The following COMMD10 variants were observed in gnomAD, a reference collection of about 807,000 sequenced individuals.
COMMD10 encodes COMM domain containing 10.
COMMD10 carries 33 observed loss-of-function variants against 28.9 expected under a neutral mutation model. The observed-to-expected ratio is 1.14, with a 90% CI of 0.87 to 1.53. The LOEUF is 1.53. COMMD10 is among the 40% of genes most tolerant of loss of function. The pLI, the probability that COMMD10 is intolerant of heterozygous loss-of-function variation, is 0.00. For missense variants in COMMD10, 310 were observed against 233.4 expected (o/e 1.33, Z -2.14); for synonymous variants, 110 against 81.7 (o/e 1.35, Z -1.87).
intron 5 of COMMD10, among the ~76,000 whole-genome samples, chr5:116,284,358 A>G (rs548142685): frequency 1.0e-4 from 15 of 149,620 alleles, no homozygotes; most frequent in African/African-American, 3.3e-4. Flanking sequence ...GTGTGTGTGT[A>G]TATATATGTA....
chr5:116,223,973 GT>G (rs550588419), intron 5 of COMMD10, among the ~76,000 whole-genome samples: 40 of 152,254 alleles, frequency 2.6e-4, no homozygotes, highest in African/African-American at 9.6e-4. Flanking sequence ...TAATGCATGT[GT>G]TTGGAGCAGC....
intron 5 of COMMD10, among the ~76,000 whole-genome samples, chr5:116,238,741 G>A (rs1326495695): frequency 6.6e-6 from 1 of 152,262 alleles, no homozygotes; most frequent in African/African-American, 2.4e-5. Context: ...CTTATATGGG[G>A]TAAACACCCA....
intron 5 of COMMD10, among the ~76,000 whole-genome samples, chr5:116,135,875 A>G (rs928711219): frequency 6.6e-6 from 1 of 152,100 alleles, no homozygotes; most frequent in Non-Finnish European, 1.5e-5. Context: ...GTGTAGTGTA[A>G]CCTCAGGCAA....
chr5:116,169,862 A>G (rs935480553), intron 5 of COMMD10, among the ~76,000 whole-genome samples: 7 of 152,178 alleles, frequency 4.6e-5, no homozygotes, highest in Admixed American at 4.6e-4. Flanking sequence ...GCTATTTATG[A>G]CATACCCACA....
At chr5:116,138,165 A>T (rs1752085772) in intron 5 of COMMD10, among the ~76,000 whole-genome samples, 1 of 151,932 alleles carries the variant, frequency 6.6e-6, no homozygotes, top group African/African-American at 2.4e-5. Flanking sequence ...TATTAATCAT[A>T]TACATATAGA....
At chr5:116,199,683 A>G (rs1450023276) in intron 5 of COMMD10, among the ~76,000 whole-genome samples, 1 of 152,172 alleles carries the variant, frequency 6.6e-6, no homozygotes, top group Admixed American at 6.6e-5. Flanking sequence ...AAAGAACTTT[A>G]AAAAACATTT....
chr5:116,106,103 T>A (rs537962006), intron 4 of COMMD10, among the ~76,000 whole-genome samples: 29 of 148,048 alleles, frequency 2.0e-4, no homozygotes, highest in African/African-American at 7.0e-4. Context: ...GTTTTATTTT[T>A]TTTTTTGTGT....
At chr5:116,259,820 A>G (rs1444780292) in intron 5 of COMMD10, among the ~76,000 whole-genome samples, 2 of 151,652 alleles carry the variant, frequency 1.3e-5, no homozygotes, top group East Asian at 3.9e-4. Flanking sequence ...GACTCTCCAT[A>G]GTCAGAAATT....
At chr5:116,222,075 G>A (rs543232413) in intron 5 of COMMD10, among the ~76,000 whole-genome samples, 1 of 152,288 alleles carries the variant, frequency 6.6e-6, no homozygotes, top group African/African-American at 2.4e-5. Flanking sequence ...TAGAGATGTG[G>A]TCATAGGAGG....
At chr5:116,189,287 C>T (rs1418341162) in intron 5 of COMMD10, among the ~76,000 whole-genome samples, 1 of 152,048 alleles carries the variant, frequency 6.6e-6, no homozygotes, top group African/African-American at 2.4e-5. Flanking sequence ...TAGTGGTTTC[C>T]AACTCCCAGG....
chr5:116,130,287 A>G (rs1751822224), intron 4 of COMMD10, among the ~76,000 whole-genome samples: 1 of 151,932 alleles, frequency 6.6e-6, no homozygotes, highest in South Asian at 2.1e-4. Context: ...GGAGTTTAGA[A>G]TCTTAGGTGG....
At chr5:116,165,763 G>T (rs1236781026) in intron 5 of COMMD10, among the ~76,000 whole-genome samples, 1 of 151,850 alleles carries the variant, frequency 6.6e-6, no homozygotes, top group Non-Finnish European at 1.5e-5. Context: ...TTCTTATAAA[G>T]GCACTCATCC....
At chr5:116,157,164 T>A (rs1156976267) in intron 5 of COMMD10, among the ~76,000 whole-genome samples, 1 of 152,194 alleles carries the variant, frequency 6.6e-6, no homozygotes, top group African/African-American at 2.4e-5. Context: ...CCTAATAGAT[T>A]GCTCACTGTT....
intron 5 of COMMD10, among the ~76,000 whole-genome samples, chr5:116,225,099 T>C (rs1749357411): frequency 6.6e-6 from 1 of 152,122 alleles, no homozygotes. Context: ...ATTTGGTGAA[T>C]ATTTTATTTC....
chr5:116,242,291 A>T (rs578065945), intron 5 of COMMD10, among the ~76,000 whole-genome samples: 21 of 152,220 alleles, frequency 1.4e-4, no homozygotes, highest in Non-Finnish European at 2.4e-4. Context: ...TATTAGTATG[A>T]TGATATGGTA....
intron 5 of COMMD10, among the ~76,000 whole-genome samples, chr5:116,194,187 A>T (rs971327373): frequency 6.6e-6 from 1 of 152,160 alleles, no homozygotes; most frequent in Non-Finnish European, 1.5e-5. Flanking sequence ...AGGAAAGTTC[A>T]TAGCCCTAAA....
intron 5 of COMMD10, among the ~76,000 whole-genome samples, chr5:116,281,819 A>G (rs541417676): frequency 1.3e-5 from 2 of 151,924 alleles, no homozygotes; most frequent in Non-Finnish European, 2.9e-5. Flanking sequence ...AGCTGGTGAT[A>G]TTCAACATTT....
At chr5:116,095,322 A>G (rs1006597320) in intron 4 of COMMD10, among the ~76,000 whole-genome samples, 1 of 152,192 alleles carries the variant, frequency 6.6e-6, no homozygotes, top group African/African-American at 2.4e-5. Context: ...TTGATTAACA[A>G]ATAGGCTTTG....
chr5:116,256,048 A>G (rs530077738), intron 5 of COMMD10, among the ~76,000 whole-genome samples: 2 of 151,814 alleles, frequency 1.3e-5, no homozygotes, highest in East Asian at 3.9e-4. Context: ...TAGCGCAAAT[A>G]TGCATGACTG....
Sources: allele counts gnomAD v4.1 joint callset (sites outside exome capture counted in the v4.1 genomes callset), GRCh38; gene constraint gnomAD v4.1.1; transcripts MANE v1.5; gene names NCBI Gene and HGNC (gene_info 2026-07-23, HGNC 2026-07-21).